EXOC4: variants seen among roughly 807,000 people sequenced by gnomAD.
EXOC4 encodes exocyst complex component 4, also known as SEC8-like 1.
EXOC4 carries 71 observed loss-of-function variants against 107.2 expected under a neutral mutation model. That is an observed-to-expected ratio of 0.66 (90% confidence interval 0.55 to 0.81). The LOEUF is 0.81. EXOC4 is among the 30% of genes least tolerant of loss of function. The pLI, the probability that EXOC4 is intolerant of heterozygous loss-of-function variation, is 0.00. For synonymous variants in EXOC4, 456 were observed against 441.2 expected, an observed-to-expected ratio of 1.03 and a Z score of -0.42; for missense variants, 1,108 against 1,189.6, an observed-to-expected ratio of 0.93 and a Z score of 1.01.
chr7:133,342,586 A>T (rs931639462), intron 5 of EXOC4, among the ~76,000 whole-genome samples: 1 of 152,132 alleles, frequency 6.6e-6, no homozygotes, highest in South Asian at 2.1e-4. Context: ...AGGCCAGGGA[A>T]ATTTTCCTTG....
chr7:133,928,926 T>C (rs1800112270), intron 13 of EXOC4, among the ~76,000 whole-genome samples: 2 of 117,914 alleles, frequency 1.7e-5, no homozygotes, highest in Admixed American at 1.6e-4. Flanking sequence ...TAGTACCTTT[T>C]TTTTTTTTTT....
chr7:133,773,671 G>A (rs1445748027), intron 10 of EXOC4, among the ~76,000 whole-genome samples: 1 of 151,882 alleles, frequency 6.6e-6, no homozygotes, highest in East Asian at 1.9e-4. Context: ...AATATCATCA[G>A]TGAACTGATA....
chr7:133,670,082 T>C lies in EXOC4; in HGVS notation c.1514+39941T>C, dbSNP rs145091096. The stretch of plus-strand genomic sequence containing the variant: ...TTAGTTTTAATGGTGAACATTAAGA[T>C]TGCAAATAACTGCTGTGGCGAGGGT... On this transcript the variant is annotated intron_variant, in intron 10 of 17. Transcript: ENST00000253861. 7.4e-3 allele frequency among the ~76,000 whole-genome samples: 1,133 copies of C among 152,298 alleles called. 13 individuals are homozygous for C. The highest frequency in any genetic ancestry group is 9.9e-3 in the Non-Finnish European group (671 of 68,032).
intron 10 of EXOC4, among the ~76,000 whole-genome samples, chr7:133,754,171 G>T (rs1795850351): frequency 6.6e-6 from 1 of 152,166 alleles, no homozygotes; most frequent in South Asian, 2.1e-4. Context: ...GAATTGACAG[G>T]TCTTAGCCTG....
At chr7:133,526,180 T>C (rs1800074397) in intron 9 of EXOC4, among the ~76,000 whole-genome samples, 1 of 152,178 alleles carries the variant, frequency 6.6e-6, no homozygotes, top group Non-Finnish European at 1.5e-5. Flanking sequence ...GAGAGACCAA[T>C]ACAATATTGT....
intron 9 of EXOC4, among the ~76,000 whole-genome samples, chr7:133,554,310 T>C (rs919133620): frequency 1.3e-5 from 2 of 152,210 alleles, no homozygotes; most frequent in Non-Finnish European, 2.9e-5. Flanking sequence ...TCAAAAATAA[T>C]GTAAATGTCA....
chr7:134,074,835 G>A, the EXOC4 span, among the ~76,000 whole-genome samples: 8 of 152,366 alleles, frequency 5.3e-5, no homozygotes, highest in Non-Finnish European at 1.0e-4. Context: ...GGCTCACGGA[G>A]CATTTCTGAG....
At chr7:133,516,915 A>G (rs562569487) in intron 9 of EXOC4, among the ~76,000 whole-genome samples, 1 of 151,992 alleles carries the variant, frequency 6.6e-6, no homozygotes, top group East Asian at 1.9e-4. Context: ...TAGTCATCAC[A>G]TCACAAATAG....
intron 9 of EXOC4, among the ~76,000 whole-genome samples, chr7:133,528,923 C>A (rs1218794171): frequency 6.6e-6 from 1 of 152,068 alleles, no homozygotes; most frequent in Non-Finnish European, 1.5e-5. Flanking sequence ...GCTCTAGGGA[C>A]CCTGGAGTTT....
At chr7:133,636,551 C>G (rs1057349333) in intron 10 of EXOC4, among the ~76,000 whole-genome samples, 1 of 152,156 alleles carries the variant, frequency 6.6e-6, no homozygotes, top group Non-Finnish European at 1.5e-5. Flanking sequence ...ATGTTTCTTA[C>G]AGGAGAACCA....
rs1359875053 is a variant in EXOC4 at position 133,885,561 on chromosome 7, G to GCC, written c.1735-10038_1735-10037insCC. Among the ~76,000 whole-genome samples, 155 of 152,324 alleles carry GCC rather than the reference G, an allele frequency of 1.0e-3. 2 individuals are homozygous for GCC. The highest frequency in any genetic ancestry group is 9.3e-3 in the Admixed American group (143 of 15,302). ...AACAGGAATTAGCAGCCTAGTGGAAGAGATAGCCAATTGAACCAGTGATTA... is the reference window on the plus strand; with the variant it reads ...AACAGGAATTAGCAGCCTAGTGGAAGCCAGATAGCCAATTGAACCAGTGATTA... On this transcript the variant is annotated intron_variant, in intron 11 of 17. Transcript: ENST00000253861.
rs983721483 is a variant in EXOC4 at position 133,844,285 on chromosome 7, C to A, written c.1734+26741C>A. ...CAGCTCTGTCAATTTCTGTCAATTG[C>A]CTGTGTTGAAATCCAATGACTACCT... On this transcript the variant is annotated intron_variant, in intron 11 of 17. Transcript: ENST00000253861. Among the ~76,000 whole-genome samples the A allele has an allele frequency of 9.9e-5, 15 of 151,096 alleles. 1 individual carries two copies. The highest frequency in any genetic ancestry group is 3.7e-4 in the African/African-American group (15 of 41,092).
intron 9 of EXOC4, among the ~76,000 whole-genome samples, chr7:133,488,676 A>G (rs1249507771): frequency 6.6e-6 from 1 of 152,180 alleles, no homozygotes; most frequent in African/African-American, 2.4e-5. Context: ...GTGAAAGGCA[A>G]ACCTATTCAG....
intron 7 of EXOC4, among the ~76,000 whole-genome samples, chr7:133,437,504 G>C (rs1426166698): frequency 1.3e-5 from 2 of 152,184 alleles, no homozygotes; most frequent in Admixed American, 1.3e-4. Flanking sequence ...ACCTCATGGA[G>C]CTCACATCTG....
chr7:133,419,224 G>T (rs571235827), intron 7 of EXOC4, among the ~76,000 whole-genome samples: 1 of 152,210 alleles, frequency 6.6e-6, no homozygotes, highest in African/African-American at 2.4e-5. Flanking sequence ...ATTTTGGGTG[G>T]TTATGGACTT....
At chr7:133,544,037 CT>C (rs1466155365) in intron 9 of EXOC4, among the ~76,000 whole-genome samples, 2 of 152,012 alleles carry the variant, frequency 1.3e-5, no homozygotes, top group Non-Finnish European at 2.9e-5. Flanking sequence ...AGGCTAGGGG[CT>C]AAATTTTGAT....
chr7:134,027,916 C>T (rs572982535), intron 17 of EXOC4, among the ~76,000 whole-genome samples: 266 of 152,258 alleles, frequency 1.7e-3, no homozygotes, highest in African/African-American at 6.2e-3. Flanking sequence ...ACAAATGATC[C>T]AGATAGGGCT....
In EXOC4 at chr7:133,693,137, G is replaced by A. The variant is rs138606861; in HGVS notation, c.1514+62996G>A. 9.2e-4 allele frequency among the ~76,000 whole-genome samples: 140 copies of A among 152,302 alleles called. 1 individual carries two copies. Among genetic ancestry groups the A allele is most frequent in the African/African-American group, 3.0e-3 (126 of 41,560 alleles). On this transcript the variant is annotated intron_variant, in intron 10 of 17. Transcript: ENST00000253861. Reference sequence around the variant, plus strand: ...TTCCACAATAAGCTGTCTGCAAGCTGAGGAGCAAGGAAGCCAGTCCGACTC... The same window carrying A: ...TTCCACAATAAGCTGTCTGCAAGCTAAGGAGCAAGGAAGCCAGTCCGACTC...
rs35575046 is a variant in EXOC4 at position 134,064,444 on chromosome 7, G to C, written c.2841G>C (p.Thr947=). The C allele has an allele frequency of 2.4e-5, 39 of 1,607,858 alleles. No individual in the cohort carries two copies. Among genetic ancestry groups the C allele is most frequent in the Non-Finnish European group, 3.3e-5 (39 of 1,176,842 alleles). ...TGGGGGAACTGACCACCCAGAACAC[G>C]AGGCTGCAGAGGCTCAAAGAGATCA... The part of the protein sequence containing the change: ...TGVGELTTQN[T]RLQRLKEIIC... Residue 947 remains threonine, a synonymous_variant, in exon 18 of 18, where the codon ACG becomes ACC. Transcript: ENST00000253861.
Sources: gnomAD v4.1 joint callset for allele counts (sites outside exome capture counted in the v4.1 genomes callset) on GRCh38, gnomAD v4.1.1 for gene constraint, MANE v1.5 for transcripts, NCBI Gene and HGNC (gene_info 2026-07-23, HGNC 2026-07-21) for gene names.